SPECC1: variants seen among roughly 807,000 people sequenced by gnomAD.
SPECC1 encodes the protein cytospin-B.
In SPECC1, 62 loss-of-function variants were observed where a neutral mutation model predicts 104.1. The observed-to-expected ratio is 0.60, with a 90% CI of 0.49 to 0.74. The LOEUF is 0.74. SPECC1 is among the 30% of genes least tolerant of loss of function. The probability of loss-of-function intolerance (pLI) is 0.00; values close to 1 mark genes in which losing one functional copy is unlikely to be tolerated. For missense variants in SPECC1, 1,306 were observed against 1,310.5 expected, an observed-to-expected ratio of 1.00 and a Z score of 0.05; for synonymous variants, 513 against 501.6, an observed-to-expected ratio of 1.02 and a Z score of -0.30.
At chr17:20,075,201 C>T (rs976061817) in intron 1 of SPECC1, among the ~76,000 whole-genome samples, 2 of 152,212 alleles carry the variant, frequency 1.3e-5, no homozygotes, top group Non-Finnish European at 2.9e-5. Flanking sequence ...CCACACCTGG[C>T]CCCAATACAT....
intron 4 of SPECC1, among the ~76,000 whole-genome samples, chr17:20,218,006 TG>T (rs2037617112): frequency 6.6e-6 from 1 of 152,196 alleles, no homozygotes; most frequent in Non-Finnish European, 1.5e-5. Context: ...TGCTCCAGCC[TG>T]GGCAACAGAG....
intron 3 of SPECC1, among the ~76,000 whole-genome samples, chr17:20,122,447 G>T (rs2049082424): frequency 6.6e-6 from 1 of 152,272 alleles, no homozygotes; most frequent in East Asian, 1.9e-4. Flanking sequence ...ATATTCTGAA[G>T]GGGAGAGCCA....
intron 3 of SPECC1, among the ~76,000 whole-genome samples, chr17:20,198,645 C>T (rs1240485517): frequency 6.6e-6 from 1 of 152,212 alleles, no homozygotes; most frequent in Non-Finnish European, 1.5e-5. Context: ...TGAGACGGGC[C>T]TCTAACCCCC....
chr17:20,132,139 C>T (rs1250501951), intron 3 of SPECC1, among the ~76,000 whole-genome samples: 3 of 151,970 alleles, frequency 2.0e-5, no homozygotes, highest in Non-Finnish European at 4.4e-5. Flanking sequence ...GTTTTCTCTG[C>T]ATTGATAGAT....
At chr17:20,135,136 T>C (rs1041255272) in intron 3 of SPECC1, among the ~76,000 whole-genome samples, 4 of 152,220 alleles carry the variant, frequency 2.6e-5, no homozygotes, top group Non-Finnish European at 5.9e-5. Flanking sequence ...TCCTGAAAGT[T>C]TGTGCATGTT....
intron 1 of SPECC1, among the ~76,000 whole-genome samples, chr17:20,020,952 C>T (rs542907344): frequency 6.6e-6 from 1 of 152,266 alleles, no homozygotes; most frequent in African/African-American, 2.4e-5. Context: ...CTACTGACAG[C>T]CTACTGTTGA....
intron 3 of SPECC1, among the ~76,000 whole-genome samples, chr17:20,175,932 C>T (rs1189344264): frequency 6.6e-6 from 1 of 152,226 alleles, no homozygotes; most frequent in Non-Finnish European, 1.5e-5. Context: ...GAGAACCATA[C>T]TGACCTATGG....
chr17:20,052,505 CAGACTCTGGT>C (rs2045811733), intron 1 of SPECC1, among the ~76,000 whole-genome samples: 3 of 152,198 alleles, frequency 2.0e-5, no homozygotes, highest in Admixed American at 2.0e-4. Context: ...AGGAATATGA[CAGACTCTGGT>C]TCAAAGATAC....
intron 1 of SPECC1, among the ~76,000 whole-genome samples, chr17:20,080,135 T>C (rs2046909811): frequency 6.6e-6 from 1 of 152,110 alleles, no homozygotes; most frequent in Non-Finnish European, 1.5e-5. Context: ...ACAATGAAAA[T>C]GAAATGATGC....
At chr17:20,069,114 G>A (rs138984484) in intron 1 of SPECC1, among the ~76,000 whole-genome samples, 222 of 152,272 alleles carry the variant, frequency 1.5e-3, no homozygotes, top group Middle Eastern at 6.8e-3. Context: ...CCTCCTCCAA[G>A]CCTCCACCCT....
intron 4 of SPECC1, among the ~76,000 whole-genome samples, chr17:20,223,604 CAG>C (rs990426518): frequency 4.0e-5 from 6 of 150,966 alleles, no homozygotes; most frequent in Non-Finnish European, 8.8e-5. Flanking sequence ...ACCTGGGAGG[CAG>C]AGGTTGCAGT....
intron 3 of SPECC1, among the ~76,000 whole-genome samples, chr17:20,152,621 AAG>A (rs527387843): frequency 6.6e-6 from 1 of 152,120 alleles, no homozygotes; most frequent in African/African-American, 2.4e-5. Context: ...ACATAACAGA[AAG>A]AGAGAGAGAG....
intron 7 of SPECC1, chr17:20,238,643 C>G: frequency 1.9e-6 from 2 of 1,037,394 alleles, no homozygotes; most frequent in Non-Finnish European, 2.3e-6. Flanking sequence ...GTAAAATTTA[C>G]TTAGATACTT....
At chr17:20,174,842 C>T (rs1199839284) in intron 3 of SPECC1, among the ~76,000 whole-genome samples, 3 of 152,064 alleles carry the variant, frequency 2.0e-5, no homozygotes, top group South Asian at 2.1e-4. Flanking sequence ...CGCTCCTTGC[C>T]GACCTCACCA....
At chr17:20,060,903 A>G (rs746382300) in intron 1 of SPECC1, among the ~76,000 whole-genome samples, 1 of 152,244 alleles carries the variant, frequency 6.6e-6, no homozygotes, top group Non-Finnish European at 1.5e-5. Context: ...ACGAAAATAT[A>G]TTGTGTAAAA....
chr17:20,249,939 A>G (rs1297920371), intron 9 of SPECC1, among the ~76,000 whole-genome samples: 8 of 152,234 alleles, frequency 5.3e-5, no homozygotes, highest in Admixed American at 5.2e-4. Flanking sequence ...TCAAGCCCAG[A>G]TTCAAGAAAC....
intron 1 of SPECC1, among the ~76,000 whole-genome samples, chr17:20,062,094 A>AG (rs931878367): frequency 3.9e-4 from 60 of 152,044 alleles, no homozygotes; most frequent in African/African-American, 1.4e-3. Flanking sequence ...TGCTAAAAAA[A>AG]TACAAAAAAT....
chr17:20,218,837 ACTCTC>A (rs935341398), intron 4 of SPECC1, among the ~76,000 whole-genome samples: 2 of 151,432 alleles, frequency 1.3e-5, no homozygotes, highest in Non-Finnish European at 2.9e-5. Flanking sequence ...TAATCATTCT[ACTCTC>A]TATCTTCATG....
chr17:20,247,154 G>C, intron 8 of SPECC1, 65 bp from the exon 9 acceptor site: 1 of 1,292,508 alleles, frequency 7.7e-7, no homozygotes, highest in Non-Finnish European at 1.1e-6. Context: ...CAAGAAATCA[G>C]GAACAAGTAT....
Sources: gnomAD v4.1 joint callset for allele counts (sites outside exome capture counted in the v4.1 genomes callset) on GRCh38, gnomAD v4.1.1 for gene constraint, MANE v1.5 for transcripts, NCBI Gene and HGNC (gene_info 2026-07-23, HGNC 2026-07-21) for gene names.